The following MCM8 variants were observed in gnomAD, a reference collection of about 807,000 sequenced individuals.
MCM8 encodes DNA helicase MCM8.
Under a neutral mutation model 98.9 loss-of-function variants are expected in MCM8, and 85 were observed. The ratio of observed to expected loss-of-function variants is 0.86; its 90% CI spans 0.72 to 1.03. The LOEUF (loss-of-function observed/expected upper bound fraction) is 1.03. Ranked by LOEUF, MCM8 falls within the 50% of genes least tolerant of loss-of-function variation. The probability of loss-of-function intolerance (pLI) is 0.00; values close to 1 mark genes in which losing one functional copy is unlikely to be tolerated. For missense variants in MCM8, 951 were observed against 997.8 expected (o/e 0.95, Z 0.63); for synonymous variants, 352 against 338.6 (o/e 1.04, Z -0.44).
Position 5,967,493 on chromosome 20 carries a change from A to G in MCM8, c.933A>G (p.Ile311Met). ...QREAGRIPRT[I>M]ECELVHDLVD... ...AAGCAGGTCGGATTCCACGAACAAT[A>G]GAATGTGAGCTTGTTCATGATCTTG... is the stretch of plus-strand genomic sequence containing the variant. The change falls in exon 9 of 19, where the codon ATA becomes ATG. Residue 311 changes from isoleucine to methionine, a missense_variant. Transcript: ENST00000610722. 6.2e-7 allele frequency: 1 copy of G among 1,613,984 alleles called. No individual in the cohort carries two copies. Among genetic ancestry groups the G allele is most frequent in the South Asian group, 1.1e-5 (1 of 91,072 alleles).
chr20:5,958,581 A>G lies in MCM8; in HGVS notation c.644A>G (p.Tyr215Cys), dbSNP rs760684244. The G allele has an allele frequency of 2.2e-5, 36 of 1,614,054 alleles. 1 individual carries two copies. The highest frequency in any genetic ancestry group is 5.3e-5 in the African/African-American group (4 of 74,926). ...TQLKNVRANY[Y>C]GKYIALRGTV... ...CTCAAGAATGTCAGAGCAAATTACT[A>G]TGGAAAATACATTGCTCTAAGAGGG... Residue 215 changes from tyrosine (Y) to cysteine (C), a missense_variant, in exon 7 of 19, where the codon TAT (tyrosine) becomes TGT (cysteine). Tyr to Cys is a radical substitution (Grantham distance 194). Transcript: ENST00000610722.
chr20:5,980,084 AG>A (rs2089599331), intron 13 of MCM8, among the ~76,000 whole-genome samples: 1 of 152,130 alleles, frequency 6.6e-6, no homozygotes, highest in Non-Finnish European at 1.5e-5. Context: ...AGAGCTGCAA[AG>A]GCTTGTTTTC....
At position 5,994,476 on chromosome 20, in the gene MCM8, CAG is replaced by C. The variant is rs1488502253; in HGVS notation, c.*87_*88del. The C allele has an allele frequency of 2.4e-4, 142 of 603,392 alleles. No individual in the cohort carries two copies. The highest frequency in any genetic ancestry group is 8.1e-4 in the Middle Eastern group (2 of 2,484). 37.4% of individuals were successfully genotyped at this position (603,392 alleles called of 1,614,324 possible). The stretch of plus-strand genomic sequence containing the variant: ...AGATATGCGTGCACGCACAGACAGA[CAG>C]ACACACACACACACACACACACACA... On this transcript the variant is annotated 3_prime_UTR_variant, in exon 19 of 19. Coordinates refer to ENST00000610722, the MANE Select transcript of MCM8 (RefSeq NM_032485.6).
intron 13 of MCM8, among the ~76,000 whole-genome samples, chr20:5,980,025 G>A (rs1027533892): frequency 3.3e-5 from 5 of 152,060 alleles, no homozygotes; most frequent in Non-Finnish European, 7.4e-5. Context: ...TCCTCATAAG[G>A]GCCTTTGTAC....
Position 5,951,958 on chromosome 20 carries a change from G to A in MCM8, c.-5-53G>A, listed in dbSNP as rs185885918. 752 of 1,539,290 alleles carry A rather than the reference G, an allele frequency of 4.9e-4. 6 individuals carry two copies. In the African/African-American group the frequency reaches 6.9e-3, roughly 14 times the overall value. ...CCTTTTTATTAATACATTTTTAAGAGCACTATTTTCCTTACAGTTTTGGTG... is the reference window on the plus strand; with the variant it reads ...CCTTTTTATTAATACATTTTTAAGAACACTATTTTCCTTACAGTTTTGGTG... On this transcript the variant is annotated intron_variant, in intron 1 of 18. Transcript: ENST00000610722.
rs780458225 is a variant in MCM8, at chr20:5,986,090, A to G, written c.2122A>G (p.Ile708Val). The G allele has an allele frequency of 1.8e-5, 29 of 1,614,016 alleles. No homozygotes were observed. In the African/African-American group the frequency reaches 2.0e-4, roughly 11 times the overall value. ...GAGCCAGAGGTTAAATAGCTCACCA[A>G]TCACTACCAGGCAGCTGGAATCTTT... ...KQSQRLNSSP[I>V]TTRQLESLIR... Residue 708 changes from isoleucine to valine, a missense_variant, in exon 16 of 19, where the codon ATC becomes GTC. By Grantham distance (29) the Ile-to-Val change is conservative. Coordinates refer to ENST00000610722, the MANE Select transcript of MCM8 (RefSeq NM_032485.6).
At chr20:5,959,392 C>G (rs911283723) in intron 7 of MCM8, among the ~76,000 whole-genome samples, 1 of 152,106 alleles carries the variant, frequency 6.6e-6, no homozygotes, top group Non-Finnish European at 1.5e-5. Flanking sequence ...CATTTTTATT[C>G]TTGACTACAT....
rs766543378 is a variant in MCM8, at chr20:5,978,025, G to T, written c.1537+8G>T. The T allele has an allele frequency of 6.2e-7, 1 of 1,613,962 alleles. No individual in the cohort carries two copies. Among genetic ancestry groups the T allele is most frequent in the East Asian group, 2.2e-5 (1 of 44,880 alleles). On this transcript the variant is annotated splice_region_variant and intron_variant, in intron 13 of 18. Transcript: ENST00000610722. ...TGGTACTTGGTGATCAAGGTGAGAG[G>T]CCAAAGGGAATAATTAGTGATTCTG...
In MCM8 at chr20:5,957,239, T is replaced by A. The variant is rs1349602026; in HGVS notation, c.590+10T>A. 3 of 1,599,998 alleles carry A rather than the reference T, an allele frequency of 1.9e-6. No individual in the cohort carries two copies. The highest frequency in any genetic ancestry group is 2.6e-6 in the Non-Finnish European group (3 of 1,168,182). ...CACATATTCATGCAAGGTGAGGAAT[T>A]TGATGTATTAAAGTATTACTTAGAA... is the stretch of plus-strand genomic sequence containing the variant. On this transcript the variant is annotated intron_variant, in intron 6 of 18. Transcript: ENST00000610722.
Position 5,952,450 on chromosome 20 carries a change from A to T in MCM8, c.175A>T (p.Thr59Ser). ...ACAAACCCCACAGTTTTTGCTTTCA[A>T]CAAAGACCCCACAGTCAATGCAGTC... Reference protein sequence around the residue: ...SEQTPQFLLSTKTPQSMQSTL... With the variant: ...SEQTPQFLLSSKTPQSMQSTL... Residue 59 changes from threonine (T) to serine (S), a missense_variant, in exon 3 of 19, where the codon ACA becomes TCA. Coordinates refer to ENST00000610722, the MANE Select transcript of MCM8 (RefSeq NM_032485.6). 6.2e-7 allele frequency: 1 copy of T among 1,614,044 alleles called. No homozygotes were observed. Among genetic ancestry groups the T allele is most frequent in the Non-Finnish European group, 8.5e-7 (1 of 1,179,990 alleles).
chr20:5,995,550 A>G lies in MCM8; in HGVS notation c.*1159A>G, dbSNP rs1270136879. The G allele has an allele frequency of 6.6e-6, 1 of 152,264 alleles. No individual in the cohort carries two copies. The highest frequency in any genetic ancestry group is 1.5e-5 in the Non-Finnish European group (1 of 68,058). The allele number at this position is 152,264 out of a possible 1,614,324, so 9.4% of individuals were successfully genotyped here. A position where few individuals can be genotyped will look rare whatever the true frequency, so the allele number is the denominator to read the frequency against. ...CGGAACAGCAACAAAAGGATTCTGC[A>G]TGAGATGCCTCCCTAAATTGCTGAA... On this transcript the variant is annotated 3_prime_UTR_variant, in exon 19 of 19. Transcript: ENST00000610722.
rs2089980765 is a variant in MCM8 at position 5,998,057 on chromosome 20, A to G, written c.*3666A>G. ...CTTTGATAAAGAAGGGAAATATCGT[A>G]CTTACATTAGCATGTTATAGTTGCT... On this transcript the variant is annotated 3_prime_UTR_variant, in exon 19 of 19. Transcript: ENST00000610722. 6.6e-6 allele frequency: 1 copy of G among 152,238 alleles called. No individual in the cohort carries two copies. The highest frequency in any genetic ancestry group is 2.4e-5 in the African/African-American group (1 of 41,462). 9.4% of individuals were successfully genotyped at this position (152,238 alleles called of 1,614,324 possible). A position where few individuals can be genotyped will look rare whatever the true frequency, so the allele number is the denominator to read the frequency against.
intron 9 of MCM8, 69 bp from the exon 10 acceptor site, chr20:5,967,761 T>C (rs1357905520): frequency 7.1e-7 from 1 of 1,403,500 alleles, no homozygotes; most frequent in African/African-American, 1.6e-5. Flanking sequence ...CTTTGTTTTA[T>C]ATTCTAGTTG....
intron 7 of MCM8, among the ~76,000 whole-genome samples, chr20:5,961,520 G>T (rs2089143281): frequency 6.6e-6 from 1 of 152,142 alleles, no homozygotes; most frequent in African/African-American, 2.4e-5. Context: ...TCAGCTATTG[G>T]TTCTGAATAA....
At chr20:5,953,599 G>A (rs1183922875) in intron 3 of MCM8, among the ~76,000 whole-genome samples, 3 of 151,666 alleles carry the variant, frequency 2.0e-5, no homozygotes, top group African/African-American at 7.3e-5. Context: ...TCAGCCTCCC[G>A]AGTAGCTGGG....
At chr20:5,976,299 C>G (rs187949412) in intron 12 of MCM8, among the ~76,000 whole-genome samples, 1 of 152,138 alleles carries the variant, frequency 6.6e-6, no homozygotes, top group Non-Finnish European at 1.5e-5. Flanking sequence ...TGGCATGCTC[C>G]TATAGTCCCA....
intron 7 of MCM8, among the ~76,000 whole-genome samples, chr20:5,960,512 A>G (rs1259345647): frequency 6.6e-6 from 1 of 152,140 alleles, no homozygotes; most frequent in Non-Finnish European, 1.5e-5. Flanking sequence ...TATATACATT[A>G]GATATTTTCT....
chr20:5,979,462 A>C (rs747034878), intron 13 of MCM8, among the ~76,000 whole-genome samples: 1 of 152,090 alleles, frequency 6.6e-6, no homozygotes, highest in African/African-American at 2.4e-5. Context: ...TATCTCCACA[A>C]ATTTCTCAAA....
rs755823520 is a variant in MCM8 at position 5,997,959 on chromosome 20, T to A, written c.*3568T>A. 1 of 152,196 alleles carries A rather than the reference T, an allele frequency of 6.6e-6. No homozygotes were observed. The highest frequency in any genetic ancestry group is 1.5e-5 in the Non-Finnish European group (1 of 68,028). 9.4% of individuals were successfully genotyped at this position (152,196 alleles called of 1,614,324 possible). On this transcript the variant is annotated 3_prime_UTR_variant, in exon 19 of 19. Coordinates refer to ENST00000610722, the MANE Select transcript of MCM8 (RefSeq NM_032485.6). Reference sequence around the variant, plus strand: ...TCATTTCATTTTTAGGATAGAGATATCAAGGTGAGGGTATAACTGAACGAG... The same window carrying A: ...TCATTTCATTTTTAGGATAGAGATAACAAGGTGAGGGTATAACTGAACGAG...
Sources: gnomAD v4.1 joint callset for allele counts (sites outside exome capture counted in the v4.1 genomes callset) on GRCh38, gnomAD v4.1.1 for gene constraint, MANE v1.5 for transcripts, NCBI Gene and HGNC (gene_info 2026-07-23, HGNC 2026-07-21) for gene names.